The following DPYD variants were observed in gnomAD, a reference collection of about 807,000 sequenced individuals.
The protein encoded by DPYD is dihydropyrimidine dehydrogenase [NADP(+)].
Under a neutral mutation model 116.2 loss-of-function variants are expected in DPYD, and 109 were observed. That is an observed-to-expected ratio of 0.94 (90% CI 0.80 to 1.10). The LOEUF (loss-of-function observed/expected upper bound fraction) is 1.10. Among genes scored for constraint, DPYD ranks in the 50% least tolerant of loss-of-function variants. DPYD has a pLI of 0.00. For synonymous variants in DPYD, 440 were observed against 432.0 expected (o/e 1.02, Z -0.23); for missense variants, 1,302 against 1,254.5 (o/e 1.04, Z -0.57).
chr1:97,780,946 T>A (rs1180750685), intron 3 of DPYD, among the ~76,000 whole-genome samples: 1 of 152,186 alleles, frequency 6.6e-6, no homozygotes, highest in East Asian at 1.9e-4. Flanking sequence ...AACGTATCTT[T>A]AACATAACAG....
intron 10 of DPYD, among the ~76,000 whole-genome samples, chr1:97,587,718 T>C (rs973668850): frequency 9.3e-5 from 14 of 150,258 alleles, no homozygotes; most frequent in Non-Finnish European, 2.1e-4. Context: ...TCCCAGCTAC[T>C]CAGGAGGCTG....
chr1:97,727,903 A>C (rs892812721), intron 4 of DPYD, among the ~76,000 whole-genome samples: 1 of 151,852 alleles, frequency 6.6e-6, no homozygotes, highest in East Asian at 1.9e-4. Context: ...TGAGCTCTTC[A>C]TTCTTTTTAA....
intron 4 of DPYD, among the ~76,000 whole-genome samples, chr1:97,731,887 T>C (rs960522044): frequency 3.3e-5 from 5 of 151,992 alleles, no homozygotes; most frequent in African/African-American, 1.2e-4. Flanking sequence ...ATATCATTAG[T>C]GTTTTTTAAA....
At chr1:97,440,577 C>T (rs561912265) in intron 14 of DPYD, among the ~76,000 whole-genome samples, 83 of 152,094 alleles carry the variant, frequency 5.5e-4, no homozygotes, top group Non-Finnish European at 1.0e-3. Flanking sequence ...TAAAAGCCTA[C>T]CTCCAAGTAA....
intron 20 of DPYD, among the ~76,000 whole-genome samples, chr1:97,176,868 ATG>A (rs10677535): frequency 1.5e-3 from 214 of 146,540 alleles, no homozygotes; most frequent in African/African-American, 4.0e-3. Context: ...GGACAAAAAA[ATG>A]TGTGTGTGTG....
chr1:97,281,781 A>G (rs548814135), intron 18 of DPYD, among the ~76,000 whole-genome samples: 1 of 152,180 alleles, frequency 6.6e-6, no homozygotes, highest in African/African-American at 2.4e-5. Context: ...TAGGACACAC[A>G]GGGAATAATT....
At chr1:97,117,699 G>A (rs569470114) in intron 20 of DPYD, among the ~76,000 whole-genome samples, 1 of 152,088 alleles carries the variant, frequency 6.6e-6, no homozygotes, top group East Asian at 1.9e-4. Context: ...TTGTACTATT[G>A]TCAGGATTTA....
intron 19 of DPYD, among the ~76,000 whole-genome samples, chr1:97,234,267 T>C (rs566902027): frequency 8.7e-4 from 133 of 152,296 alleles, no homozygotes; most frequent in African/African-American, 3.1e-3. Context: ...CTTTTTAATG[T>C]TCTAATTTTT....
chr1:97,437,739 T>C (rs1675548119), intron 14 of DPYD, among the ~76,000 whole-genome samples: 1 of 152,150 alleles, frequency 6.6e-6, no homozygotes, highest in Middle Eastern at 3.4e-3. Context: ...GTTTTTAATT[T>C]GTATCAAATC....
intron 13 of DPYD, among the ~76,000 whole-genome samples, chr1:97,474,076 A>T (rs1219787647): frequency 1.3e-5 from 2 of 152,018 alleles, no homozygotes; most frequent in Non-Finnish European, 2.9e-5. Context: ...AGTTTCTCAA[A>T]AAATTAAAAA....
chr1:97,732,373 G>A (rs1001925654), intron 4 of DPYD, among the ~76,000 whole-genome samples: 3 of 151,576 alleles, frequency 2.0e-5, no homozygotes, highest in African/African-American at 7.3e-5. Flanking sequence ...TACTCAGGAG[G>A]CTGAGGCAGG....
chr1:97,439,277 T>C (rs1440035388), intron 14 of DPYD, among the ~76,000 whole-genome samples: 4 of 152,166 alleles, frequency 2.6e-5, no homozygotes, highest in African/African-American at 7.2e-5. Flanking sequence ...GTTGGCCCCA[T>C]AGAATGTGTT....
At chr1:97,315,980 T>G (rs1378805826) in intron 16 of DPYD, among the ~76,000 whole-genome samples, 1 of 152,108 alleles carries the variant, frequency 6.6e-6, no homozygotes, top group African/African-American at 2.4e-5. Context: ...GACACTTACT[T>G]GATCTTTTGA....
chr1:97,193,238 G>C lies in DPYD; in HGVS notation c.2453C>G (p.Ala818Gly). ...CACAGTGAAATCCTGATTCTGAATG[G>C]CACTGCATACCTAGAAAAGACAGAG... ...SGASVLQVCSAIQNQDFTVIE... is the reference protein window; with the variant it reads ...SGASVLQVCSGIQNQDFTVIE... Residue 818 changes from alanine to glycine, a missense_variant, in exon 20 of 23, where the codon GCC (alanine) becomes GGC (glycine). Transcript: ENST00000370192. 1 of 1,613,432 alleles carries C rather than the reference G, an allele frequency of 6.2e-7. No homozygotes were observed. Among genetic ancestry groups the C allele is most frequent in the Non-Finnish European group, 8.5e-7 (1 of 1,179,732 alleles).
intron 2 of DPYD, among the ~76,000 whole-genome samples, chr1:97,868,417 T>C (rs541098573): frequency 6.6e-6 from 1 of 151,900 alleles, no homozygotes; most frequent in East Asian, 1.9e-4. Flanking sequence ...GATAAAATAT[T>C]ATTCGAAGAA....
chr1:97,197,761 T>C (rs1459008876), intron 19 of DPYD, among the ~76,000 whole-genome samples: 2 of 152,128 alleles, frequency 1.3e-5, no homozygotes, highest in Non-Finnish European at 2.9e-5. Flanking sequence ...TCATACAGGG[T>C]TGGTGTTTCA....
chr1:97,270,957 A>C (rs140444630), intron 18 of DPYD, among the ~76,000 whole-genome samples: 275 of 152,356 alleles, frequency 1.8e-3, no homozygotes, highest in Non-Finnish European at 3.4e-3. Context: ...TCTGTGCTGA[A>C]AGAACTTGCA....
At chr1:97,443,121 T>G (rs537253294) in intron 14 of DPYD, among the ~76,000 whole-genome samples, 1 of 152,310 alleles carries the variant, frequency 6.6e-6, no homozygotes, top group Admixed American at 6.5e-5. Flanking sequence ...GCCCTCTGCC[T>G]TTAGCTCCTA....
chr1:97,705,583 G>A (rs12072154), intron 5 of DPYD, among the ~76,000 whole-genome samples: 1,817 of 151,082 alleles, frequency 0.012, 36 homozygotes, highest in African/African-American at 0.042. Context: ...GAATAGTGCC[G>A]CAATAAACAT....
Sources: gnomAD v4.1 joint callset for allele counts (sites outside exome capture counted in the v4.1 genomes callset) on GRCh38, gnomAD v4.1.1 for gene constraint, MANE v1.5 for transcripts, NCBI Gene and HGNC (gene_info 2026-07-23, HGNC 2026-07-21) for gene names.